Variants in NSF observed in about 807,000 individuals in gnomAD.
The protein encoded by NSF is vesicle-fusing ATPase.
Under a neutral mutation model 50.3 loss-of-function variants are expected in NSF, and 14 were observed. The observed-to-expected ratio is 0.28, with a 90% CI of 0.18 to 0.44. NSF has a LOEUF of 0.44. Among genes scored for constraint, NSF ranks in the 20% least tolerant of loss-of-function variants. The probability of loss-of-function intolerance (pLI) is 1.00; values close to 1 mark genes in which losing one functional copy is unlikely to be tolerated. For missense variants in NSF, 218 were observed against 504.3 expected (o/e 0.43, Z 5.44); for synonymous variants, 109 against 175.7 (o/e 0.62, Z 3.00).
chr17:46,745,532 A>G (rs964529336), intron 17 of NSF, among the ~76,000 whole-genome samples: 1 of 152,194 alleles, frequency 6.6e-6, no homozygotes, highest in Non-Finnish European at 1.5e-5. Flanking sequence ...AGAACATCTC[A>G]TGAGGAAACT....
At chr17:46,708,155 GC>G (rs1374564157) in intron 13 of NSF, among the ~76,000 whole-genome samples, 2 of 152,160 alleles carry the variant, frequency 1.3e-5, no homozygotes, top group African/African-American at 4.8e-5. Flanking sequence ...CATTAGCATG[GC>G]TGTACAGATA....
intron 17 of NSF, among the ~76,000 whole-genome samples, chr17:46,746,661 A>G (rs1287345251): frequency 6.6e-6 from 1 of 152,178 alleles, no homozygotes; most frequent in Non-Finnish European, 1.5e-5. Flanking sequence ...TTTTTTAGTA[A>G]TGTGTTTTTC....
At chr17:46,704,033 T>C (rs574098600) in intron 12 of NSF, among the ~76,000 whole-genome samples, 1 of 149,384 alleles carries the variant, frequency 6.7e-6, no homozygotes, top group East Asian at 2.0e-4. Context: ...GAATTTTCTT[T>C]CTTTTTAATG....
At chr17:46,680,446 C>T (rs1366420503) in intron 9 of NSF, among the ~76,000 whole-genome samples, 1 of 151,582 alleles carries the variant, frequency 6.6e-6, no homozygotes, top group African/African-American at 2.4e-5. Flanking sequence ...TCACAGCATA[C>T]AAAATTGCAA....
At chr17:46,679,841 G>GAAAT (rs761947507) in intron 9 of NSF, among the ~76,000 whole-genome samples, 9 of 151,590 alleles carry the variant, frequency 5.9e-5, no homozygotes, top group Non-Finnish European at 1.2e-4. Context: ...AGGCAAGAAA[G>GAAAT]AAATAACAAG....
At chr17:46,755,777 T>C in intron 20 of NSF, 25 bp from the exon 21 acceptor site, 2 of 1,606,708 alleles carry the variant, frequency 1.2e-6, no homozygotes, top group Non-Finnish European at 1.7e-6. Context: ...ATCTGTTTTT[T>C]TGTGTTTTGG....
intron 1 of NSF, among the ~76,000 whole-genome samples, chr17:46,610,098 TTTC>T (rs1568014076): frequency 1.1e-4 from 5 of 47,338 alleles, no homozygotes; most frequent in African/African-American, 5.4e-4. Context: ...CTTTTCTCTC[TTTC>T]TCTCTCTCTC....
chr17:46,696,091 G>T, intron 12 of NSF, among the ~76,000 whole-genome samples: 1 of 104,704 alleles, frequency 9.6e-6, no homozygotes, highest in African/African-American at 4.5e-5. Flanking sequence ...TGTTTTTTTT[G>T]CATCACTGAG....
intron 15 of NSF, among the ~76,000 whole-genome samples, chr17:46,721,267 AT>A: frequency 6.6e-6 from 1 of 152,204 alleles, no homozygotes; most frequent in East Asian, 1.9e-4. Context: ...TGACAATCTC[AT>A]TATGTGCACA....
At chr17:46,736,792 C>T (rs571249792) in intron 17 of NSF, among the ~76,000 whole-genome samples, 1 of 152,262 alleles carries the variant, frequency 6.6e-6, no homozygotes, top group East Asian at 1.9e-4. Context: ...CTTTTTATGA[C>T]TTAAGATTTA....
intron 15 of NSF, among the ~76,000 whole-genome samples, chr17:46,718,855 AT>A (rs555456162): frequency 1.3e-3 from 199 of 152,292 alleles, no homozygotes; most frequent in African/African-American, 4.4e-3. Context: ...TTTACTTATT[AT>A]TATACATACA....
At chr17:46,721,448 T>C in intron 15 of NSF, 1 of 621,554 alleles carries the variant, frequency 1.6e-6, no homozygotes, top group Admixed American at 2.9e-5. Flanking sequence ...ACTTCCCTCC[T>C]AACTTTAAGA....
intron 17 of NSF, among the ~76,000 whole-genome samples, chr17:46,745,990 GACTCA>G (rs2146330789): frequency 6.6e-6 from 1 of 152,126 alleles, no homozygotes; most frequent in Admixed American, 6.5e-5. Flanking sequence ...CATTCCTTAC[GACTCA>G]ACTCATGTAT....
At chr17:46,687,473 C>T (rs956812864) in intron 9 of NSF, among the ~76,000 whole-genome samples, 2 of 147,836 alleles carry the variant, frequency 1.4e-5, no homozygotes, top group African/African-American at 5.0e-5. Flanking sequence ...AATTTCTTTT[C>T]TTCACTGTCA....
chr17:46,744,859 GC>G (rs2059111632), intron 17 of NSF, among the ~76,000 whole-genome samples: 1 of 152,154 alleles, frequency 6.6e-6, no homozygotes, highest in Non-Finnish European at 1.5e-5. Context: ...CTGAGTTGCT[GC>G]TTATGGTACT....
chr17:46,715,266 C>G (rs10491141), intron 15 of NSF, among the ~76,000 whole-genome samples: 22,863 of 152,156 alleles, frequency 0.15, 3,401 homozygotes, highest in East Asian at 0.61. Flanking sequence ...CCAATAGTAT[C>G]TGTCCTTCCC....
intron 14 of NSF, 118 bp from the exon 15 acceptor site, chr17:46,713,735 A>G (rs1273413098): frequency 2.4e-6 from 2 of 834,640 alleles, no homozygotes; most frequent in Non-Finnish European, 3.7e-6. Context: ...TGTGTCAGGA[A>G]ATGTTAATGA....
At position 46,755,914 on chromosome 17, in the gene NSF, C is replaced by T. The variant is rs1401583977; in HGVS notation, c.*91C>T. The T allele has an allele frequency of 4.7e-6, 6 of 1,285,982 alleles. No homozygotes were observed. The highest frequency in any genetic ancestry group is 2.0e-5 in the Admixed American group (1 of 50,546). 79.7% of individuals were successfully genotyped at this position (1,285,982 alleles called of 1,614,324 possible). The stretch of plus-strand genomic sequence containing the variant: ...TCACTGTCTTACTCAAGATACTGGA[C>T]TAAGTGGAACGTTCTCTACCTTCAA... On this transcript the variant is annotated 3_prime_UTR_variant, in exon 21 of 21. Transcript: ENST00000398238.
At chr17:46,726,459 T>A in intron 15 of NSF, 90 bp from the exon 16 acceptor site, 1 of 1,135,998 alleles carries the variant, frequency 8.8e-7, no homozygotes. Flanking sequence ...TGTGCTTTGT[T>A]TAGTATTGCT....
Sources: gnomAD v4.1 joint callset for allele counts (sites outside exome capture counted in the v4.1 genomes callset) on GRCh38, gnomAD v4.1.1 for gene constraint, MANE v1.5 for transcripts, NCBI Gene and HGNC (gene_info 2026-07-23, HGNC 2026-07-21) for gene names.